PDGFD: variants seen among roughly 807,000 people sequenced by gnomAD.
PDGFD encodes the protein platelet derived growth factor D, also known as platelet-derived growth factor D.
A neutral mutation model predicts 44.7 loss-of-function variants in PDGFD; 30 were observed. That is an observed-to-expected ratio of 0.67 (90% confidence interval 0.50 to 0.91). PDGFD has a LOEUF of 0.91. PDGFD is among the 40% of genes least tolerant of loss of function. The pLI is 0.00. For synonymous variants in PDGFD, 173 were observed against 168.4 expected, an observed-to-expected ratio of 1.03 and a Z score of -0.21; for missense variants, 445 against 457.8, an observed-to-expected ratio of 0.97 and a Z score of 0.25.
chr11:104,119,682 GAT>G (rs369068802), intron 1 of PDGFD, among the ~76,000 whole-genome samples: 17,663 of 85,114 alleles, frequency 0.21, 2,141 homozygotes, highest in Middle Eastern at 0.38. Context: ...TATATATATC[GAT>G]ATATAATATA....
intron 1 of PDGFD, among the ~76,000 whole-genome samples, chr11:104,050,432 AG>A (rs1260335206): frequency 1.3e-5 from 2 of 152,168 alleles, no homozygotes; most frequent in Non-Finnish European, 2.9e-5. Context: ...GCCAGTCCCG[AG>A]GGCCCGCTTG....
chr11:103,963,150 A>C (rs7126137), intron 3 of PDGFD, among the ~76,000 whole-genome samples: 6,069 of 152,264 alleles, frequency 0.04, 185 homozygotes, highest in African/African-American at 0.081. Context: ...TCACATAGAA[A>C]GTCCTTAGCC....
rs373694277 is a variant in PDGFD at position 104,023,288 on chromosome 11, T to C, written c.125-23033A>G. Among the ~76,000 whole-genome samples, 28 of 152,290 alleles carry C rather than the reference T, an allele frequency of 1.8e-4. No homozygotes were observed. In the South Asian group the frequency reaches 5.8e-3, roughly 32 times the overall value. On this transcript the variant is annotated intron_variant, in intron 1 of 6. Coordinates refer to ENST00000393158, the MANE Select transcript of PDGFD (RefSeq NM_025208.5). ...CATCTTTCTGAACTACAAACTTCTT[T>C]GCTCTAATGCATTTCTAATAGAATG...
chr11:104,081,575 A>C (rs1486738952), intron 1 of PDGFD, among the ~76,000 whole-genome samples: 1 of 152,120 alleles, frequency 6.6e-6, no homozygotes, highest in African/African-American at 2.4e-5. Flanking sequence ...AAACTATATA[A>C]CTTTGTATTT....
chr11:104,064,219 C>T (rs1305527714), intron 1 of PDGFD, among the ~76,000 whole-genome samples: 4 of 152,212 alleles, frequency 2.6e-5, no homozygotes, highest in Non-Finnish European at 2.9e-5. Context: ...ACTTCATAGC[C>T]ATCACCTAAA....
At chr11:104,071,855 C>T (rs1038179298) in intron 1 of PDGFD, among the ~76,000 whole-genome samples, 5 of 151,698 alleles carry the variant, frequency 3.3e-5, no homozygotes, top group Non-Finnish European at 7.4e-5. Context: ...TTCATCTTCA[C>T]TCTAGTGATT....
intron 6 of PDGFD, among the ~76,000 whole-genome samples, chr11:103,925,211 G>A (rs951997764): frequency 6.6e-6 from 1 of 152,114 alleles, no homozygotes; most frequent in Non-Finnish European, 1.5e-5. Context: ...TCACTGATGG[G>A]CATTTGGGTT....
intron 1 of PDGFD, among the ~76,000 whole-genome samples, chr11:104,015,417 A>G (rs1859846503): frequency 6.6e-6 from 1 of 152,224 alleles, no homozygotes; most frequent in Admixed American, 6.5e-5. Flanking sequence ...ATCTGAGAAA[A>G]AAGACCAATT....
Position 103,944,811 on chromosome 11 carries a change from G to A in PDGFD, c.574-1161C>T, listed in dbSNP as rs543298141. 5.9e-5 allele frequency among the ~76,000 whole-genome samples: 9 copies of A among 152,248 alleles called. No homozygotes were observed. In the South Asian group the frequency reaches 1.9e-3, roughly 32 times the overall value. ...AGAGTAACAGTCCCTCTTCACACAAGTAAGAGGCTTTAAAGCATTAATCTA... is the reference window on the plus strand; with the variant it reads ...AGAGTAACAGTCCCTCTTCACACAAATAAGAGGCTTTAAAGCATTAATCTA... On this transcript the variant is annotated intron_variant, in intron 4 of 6. Coordinates refer to ENST00000393158, the MANE Select transcript of PDGFD (RefSeq NM_025208.5).
At chr11:103,972,969 G>A (rs1859124583) in intron 3 of PDGFD, among the ~76,000 whole-genome samples, 1 of 152,134 alleles carries the variant, frequency 6.6e-6, no homozygotes, top group Admixed American at 6.5e-5. Flanking sequence ...TACTGTGAGT[G>A]TCAACTATGT....
intron 6 of PDGFD, among the ~76,000 whole-genome samples, chr11:103,917,978 G>C (rs943412224): frequency 6.6e-6 from 1 of 152,126 alleles, no homozygotes; most frequent in Admixed American, 6.6e-5. Context: ...TTCCATAGAC[G>C]GTCCAGTGAG....
chr11:104,035,116 A>T (rs1860203688), intron 1 of PDGFD, among the ~76,000 whole-genome samples: 1 of 152,098 alleles, frequency 6.6e-6, no homozygotes, highest in Non-Finnish European at 1.5e-5. Context: ...AGAGAGGCAT[A>T]TTGGCCTCTA....
intron 4 of PDGFD, among the ~76,000 whole-genome samples, chr11:103,947,287 C>G (rs1179593473): frequency 6.6e-6 from 1 of 152,210 alleles, no homozygotes; most frequent in Non-Finnish European, 1.5e-5. Flanking sequence ...TTAACGTCTT[C>G]CCCAGGAATA....
At chr11:104,110,458 T>C (rs1861536742) in intron 1 of PDGFD, among the ~76,000 whole-genome samples, 1 of 151,572 alleles carries the variant, frequency 6.6e-6, no homozygotes, top group South Asian at 2.1e-4. Flanking sequence ...CTTAATACTA[T>C]TTTATATGTT....
chr11:103,996,391 G>A (rs896497230), intron 2 of PDGFD, 146 bp from the exon 3 acceptor site: 3 of 801,898 alleles, frequency 3.7e-6, no homozygotes, highest in South Asian at 2.0e-5. Context: ...ATGTTAAAAG[G>A]AAAACTGGTT....
At chr11:104,110,564 A>G (rs139046790) in intron 1 of PDGFD, among the ~76,000 whole-genome samples, 6 of 152,096 alleles carry the variant, frequency 3.9e-5, no homozygotes, top group African/African-American at 7.2e-5. Context: ...ACTACATACT[A>G]CATACATAGA....
At chr11:104,093,679 C>T (rs1206392119) in intron 1 of PDGFD, among the ~76,000 whole-genome samples, 2 of 151,922 alleles carry the variant, frequency 1.3e-5, no homozygotes, top group African/African-American at 4.8e-5. Context: ...TTTCTCTTTA[C>T]TGAGAAAACA....
chr11:104,018,886 G>A (rs1231341731), intron 1 of PDGFD, among the ~76,000 whole-genome samples: 1 of 152,086 alleles, frequency 6.6e-6, no homozygotes, highest in African/African-American at 2.4e-5. Context: ...GGACTTTTTA[G>A]TTCTTTAGGG....
At chr11:104,055,800 T>C (rs1448218291) in intron 1 of PDGFD, among the ~76,000 whole-genome samples, 1 of 152,160 alleles carries the variant, frequency 6.6e-6, no homozygotes, top group Non-Finnish European at 1.5e-5. Flanking sequence ...ACAAGCATAA[T>C]GGAACCGTTG....
Sources: gnomAD v4.1 joint callset for allele counts (sites outside exome capture counted in the v4.1 genomes callset) on GRCh38, gnomAD v4.1.1 for gene constraint, MANE v1.5 for transcripts, NCBI Gene and HGNC (gene_info 2026-07-23, HGNC 2026-07-21) for gene names.